The following PIEZO2 variants were observed in gnomAD, a reference collection of about 807,000 sequenced individuals.
PIEZO2 encodes piezo-type mechanosensitive ion channel component 2.
A neutral mutation model predicts 337.3 loss-of-function variants in PIEZO2; 172 were observed. The observed-to-expected ratio is 0.51, with a 90% CI of 0.45 to 0.58. PIEZO2 has a LOEUF of 0.58. Ranked by LOEUF, PIEZO2 falls within the 20% of genes least tolerant of loss-of-function variation. PIEZO2 has a pLI of 0.00. For synonymous variants in PIEZO2, 1,251 were observed against 1,228.5 expected (o/e 1.02, Z -0.38); for missense variants, 3,028 against 3,391.3 (o/e 0.89, Z 2.66).
Position 10,781,862 on chromosome 18 carries a change from T to C in PIEZO2, c.2493-1496A>G, listed in dbSNP as rs939437852. Among the ~76,000 whole-genome samples, 24 of 152,098 alleles carry C rather than the reference T, an allele frequency of 1.6e-4. No homozygotes were observed. The highest frequency in any genetic ancestry group is 2.5e-4 in the Non-Finnish European group (17 of 68,012). ...ACGAGCGAATCGGTTATTCCTGATC[T>C]GTGGGCCATTTCTTGTAAAGCAACT... On this transcript the variant is annotated intron_variant, in intron 17 of 55. Transcript: ENST00000674853. The surrounding 1 kb of genome is among the most constrained non-coding windows in gnomAD (Gnocchi z 4.1).
chr18:10,804,029 G>C (rs947529499), intron 8 of PIEZO2, 35 bp from the exon 9 acceptor site: 1 of 1,535,604 alleles, frequency 6.5e-7, no homozygotes, highest in African/African-American at 1.4e-5. Flanking sequence ...CTTGCTTCCT[G>C]AGGCAGTTCC....
In PIEZO2 at chr18:11,035,314, CCTCTCTCTCTCTCTCTCT is replaced by C. The variant is rs113371336; in HGVS notation, c.160+30795_160+30812del. ...AAGCCTGGCACCTTCTCTCTCTCTC[CCTCTCTCTCTCTCTCTCT>C]CTTTCTCTCTCTCTCATTCCCTCTC... On this transcript the variant is annotated intron_variant, in intron 2 of 55. Transcript: ENST00000674853. The surrounding 1 kb of genome is among the most constrained non-coding windows in gnomAD (Gnocchi z 4.3). Among the ~76,000 whole-genome samples the C allele has an allele frequency of 1.2e-3, 177 of 149,784 alleles. No homozygotes were observed. Among genetic ancestry groups the C allele is most frequent in the African/African-American group, 4.3e-3 (176 of 40,908 alleles).
At chr18:10,703,294 A>T (rs1487881241) in intron 42 of PIEZO2, among the ~76,000 whole-genome samples, 2 of 152,212 alleles carry the variant, frequency 1.3e-5, no homozygotes, top group East Asian at 3.8e-4. Flanking sequence ...ACAGGCAGTC[A>T]TTTACATCTT....
rs1363517403 is a variant in PIEZO2 at position 11,126,070 on chromosome 18, A to C, written c.64+22455T>G. 6.6e-6 allele frequency among the ~76,000 whole-genome samples: 1 copy of C among 152,186 alleles called. No individual in the cohort carries two copies. The highest frequency in any genetic ancestry group is 1.5e-5 in the Non-Finnish European group (1 of 68,044). On this transcript the variant is annotated intron_variant, in intron 1 of 55. Transcript: ENST00000674853. This position sits in a 1 kb window ranked among gnomAD's most constrained non-coding sequence, Gnocchi z 4.6. The stretch of plus-strand genomic sequence containing the variant: ...TAACTTTCAGTCTGTACTTACCCTT[A>C]GACCTGCATTACAAGTAGAACAGCG...
intron 1 of PIEZO2, among the ~76,000 whole-genome samples, chr18:11,081,619 T>C (rs1160898725): frequency 6.6e-6 from 1 of 152,218 alleles, no homozygotes; most frequent in Non-Finnish European, 1.5e-5. Context: ...TTCCCAGTGC[T>C]AACCCAGCAT....
At chr18:10,977,960 TG>T (rs1393603818) in intron 3 of PIEZO2, among the ~76,000 whole-genome samples, 2 of 152,076 alleles carry the variant, frequency 1.3e-5, no homozygotes, top group Non-Finnish European at 2.9e-5. Flanking sequence ...GAGTTTCCTT[TG>T]GGGGTGATGA....
rs146876075 is a variant in PIEZO2 at position 10,975,711 on chromosome 18, C to A, written c.286+3824G>T. 7.9e-4 allele frequency among the ~76,000 whole-genome samples: 120 copies of A among 152,168 alleles called. No homozygotes were observed. The East Asian group carries it at 0.019, about 24-fold the overall frequency. On this transcript the variant is annotated intron_variant, in intron 3 of 55. Coordinates refer to ENST00000674853, the MANE Select transcript of PIEZO2 (RefSeq NM_001378183.1). ...GTCAGATTCCTAAGAGATGCCGGGACCTTTTGCGATAATGAGGGTGAGGGT... is the reference window on the plus strand; with the variant it reads ...GTCAGATTCCTAAGAGATGCCGGGAACTTTTGCGATAATGAGGGTGAGGGT...
chr18:10,887,030 G>A (rs938360754), intron 4 of PIEZO2, among the ~76,000 whole-genome samples: 1 of 150,658 alleles, frequency 6.6e-6, no homozygotes, highest in African/African-American at 2.4e-5. Flanking sequence ...GAGCAAGAGA[G>A]ACGGAGAGTT....
chr18:11,017,364 C>T (rs1276945412), intron 2 of PIEZO2, among the ~76,000 whole-genome samples: 1 of 152,036 alleles, frequency 6.6e-6, no homozygotes, highest in Non-Finnish European at 1.5e-5. Context: ...TCTGAAAATC[C>T]ATGGGTTTTT....
At chr18:11,063,742 G>A (rs1035714265) in intron 2 of PIEZO2, among the ~76,000 whole-genome samples, 8 of 152,192 alleles carry the variant, frequency 5.3e-5, no homozygotes, top group Non-Finnish European at 1.0e-4. Context: ...CCGGGAGCAG[G>A]GAGTGCAGGA....
At chr18:10,758,200 C>T (rs764284788) in intron 26 of PIEZO2, 66 bp from the exon 27 acceptor site, 28 of 1,461,446 alleles carry the variant, frequency 1.9e-5, no homozygotes, top group Non-Finnish European at 2.6e-5. Flanking sequence ...ATGCAACACA[C>T]AGTCATCACA....
chr18:11,057,203 C>G (rs968096499), intron 2 of PIEZO2, among the ~76,000 whole-genome samples: 6 of 152,140 alleles, frequency 3.9e-5, no homozygotes, highest in Admixed American at 1.3e-4. Flanking sequence ...TGGCTCCCCC[C>G]AGCCTTCCTG....
chr18:11,013,452 C>T (rs765360569), intron 2 of PIEZO2, among the ~76,000 whole-genome samples: 7 of 152,108 alleles, frequency 4.6e-5, no homozygotes, highest in Admixed American at 6.5e-5. Context: ...TGTCTTAAGC[C>T]GCCAAGTTTG....
rs115269838 is a variant in PIEZO2, at chr18:11,001,602, G to T, written c.161-21942C>A. Among the ~76,000 whole-genome samples, 2,185 of 152,202 alleles carry T rather than the reference G, an allele frequency of 0.014. 56 individuals are homozygous for T. Among genetic ancestry groups the T allele is most frequent in the African/African-American group, 0.048 (1,993 of 41,520 alleles). Reference sequence around the variant, plus strand: ...CTTCTAAAATCTTTTGTCAAGCAGGGTGTGGTGGCTCGTGCCTGTAATCTC... The same window carrying T: ...CTTCTAAAATCTTTTGTCAAGCAGGTTGTGGTGGCTCGTGCCTGTAATCTC... On this transcript the variant is annotated intron_variant, in intron 2 of 55. Transcript: ENST00000674853. This position sits in a 1 kb window ranked among gnomAD's most constrained non-coding sequence, Gnocchi z 5.3.
chr18:10,851,070 T>G (rs1227046124), intron 7 of PIEZO2, among the ~76,000 whole-genome samples: 1 of 152,062 alleles, frequency 6.6e-6, no homozygotes, highest in Non-Finnish European at 1.5e-5. Flanking sequence ...AAATTTGTGA[T>G]AAACACCCAC....
At chr18:10,735,199 T>C (rs2036949515) in intron 35 of PIEZO2, among the ~76,000 whole-genome samples, 33 bp downstream of exon 35, 1 of 151,736 alleles carries the variant, frequency 6.6e-6, no homozygotes, top group Non-Finnish European at 1.5e-5. Flanking sequence ...GAGCAGAGAG[T>C]CACACACTAC....
intron 8 of PIEZO2, among the ~76,000 whole-genome samples, chr18:10,804,350 G>A (rs937784859): frequency 4.6e-5 from 7 of 152,208 alleles, no homozygotes; most frequent in African/African-American, 9.7e-5. Flanking sequence ...AACCGTGTAA[G>A]CCAGCTGCCG....
At chr18:10,811,612 G>T (rs1252541252) in intron 7 of PIEZO2, among the ~76,000 whole-genome samples, 1 of 152,170 alleles carries the variant, frequency 6.6e-6, no homozygotes, top group African/African-American at 2.4e-5. Context: ...CAACATCCAT[G>T]ATTTTAGTGC....
chr18:11,051,583 C>T (rs1326579182), intron 2 of PIEZO2, among the ~76,000 whole-genome samples: 1 of 152,148 alleles, frequency 6.6e-6, no homozygotes, highest in Non-Finnish European at 1.5e-5. Flanking sequence ...TCTACTCCAG[C>T]CTGCAAGAGC....
Sources: gnomAD v4.1 joint callset for allele counts (sites outside exome capture counted in the v4.1 genomes callset) on GRCh38, gnomAD v4.1.1 for gene constraint, Gnocchi (gnomAD v3.1) non-coding constraint, MANE v1.5 for transcripts, NCBI Gene and HGNC (gene_info 2026-07-23, HGNC 2026-07-21) for gene names.